MADD: variants seen among roughly 807,000 people sequenced by gnomAD.
MADD encodes the protein MAP kinase-activating death domain protein.
Under a neutral mutation model 176.7 loss-of-function variants are expected in MADD, and 109 were observed. That is an observed-to-expected ratio of 0.62 (90% CI 0.53 to 0.72). The LOEUF (loss-of-function observed/expected upper bound fraction) is 0.72. MADD is among the 30% of genes least tolerant of loss of function. The pLI is 0.00. For missense variants in MADD, 1,914 were observed against 2,045.5 expected (o/e 0.94, Z 1.24); for synonymous variants, 771 against 771.3 (o/e 1.00, Z 0.01).
chr11:47,289,732 G>T, intron 16 of MADD, 135 bp from the exon 18 acceptor site: 1 of 1,021,856 alleles, frequency 9.8e-7, no homozygotes, highest in Non-Finnish European at 1.5e-6. Flanking sequence ...GAGAGGTGGG[G>T]ATGTGGTGCA....
rs144987185 is a variant in MADD, at chr11:47,289,481, C to T, written c.2744C>T (p.Ser915Phe). ...GAACCTCCATCACCCCAGGGTCGAT[C>T]CAGCAATTCTAGGTAATAAATGGTA... The change falls in exon 16 of 33, where the codon TCC (serine) becomes TTC (phenylalanine). Residue 915 changes from serine to phenylalanine, a missense_variant. Transcript: ENST00000402192. The T allele has an allele frequency of 7.4e-6, 12 of 1,613,908 alleles. No homozygotes were observed. Among genetic ancestry groups the T allele is most frequent in the Non-Finnish European group, 1.0e-5 (12 of 1,179,886 alleles).
rs1565586617 is a variant in MADD, at chr11:47,325,259, C to T, written c.4542+682C>T. The T allele has an allele frequency of 6.3e-6, 1 of 157,960 alleles. No individual in the cohort carries two copies. Among genetic ancestry groups the T allele is most frequent in the South Asian group, 1.9e-4 (1 of 5,310 alleles). 9.8% of individuals were successfully genotyped at this position (157,960 alleles called of 1,614,324 possible). A position where few individuals can be genotyped will look rare whatever the true frequency, so the allele number is the denominator to read the frequency against. On this transcript the variant is annotated intron_variant, in intron 30 of 32. Transcript: ENST00000402192. The surrounding 1 kb of genome is among the most constrained non-coding windows in gnomAD (Gnocchi z 4.5). ...TTTTTTCTCTCTTGGTCTTTTAACA[C>T]AGTGTTACCTTTTTCTCTCAGTGGA... is the stretch of plus-strand genomic sequence containing the variant.
At chr11:47,293,675 T>C (rs1341466639) in intron 19 of MADD, among the ~76,000 whole-genome samples, 5 of 152,140 alleles carry the variant, frequency 3.3e-5, no homozygotes, top group Admixed American at 2.0e-4. Context: ...GGAGAACCCA[T>C]TGAGACCAGG....
At chr11:47,297,682 G>A (rs575541912) in intron 22 of MADD, among the ~76,000 whole-genome samples, 12 of 151,774 alleles carry the variant, frequency 7.9e-5, no homozygotes, top group African/African-American at 2.7e-4. Flanking sequence ...TCCTGACTTC[G>A]TGATCTGCTC....
exon 5 of MADD, chr11:47,276,789 G>A (rs1378191054): frequency 6.2e-7 from 1 of 1,614,048 alleles, no homozygotes; most frequent in East Asian, 2.2e-5. Context: ...GGCATTCGTG[G>A]CAATGATCTA....
At chr11:47,328,385 A>G in intron 31 of MADD, 1 of 1,375,222 alleles carries the variant, frequency 7.3e-7, no homozygotes, top group Admixed American at 3.1e-5. Context: ...AGGGCTTTCA[A>G]AGAAGTGGGT....
At chr11:47,292,806 T>C (rs574766625) in intron 19 of MADD, among the ~76,000 whole-genome samples, 51 of 152,084 alleles carry the variant, frequency 3.4e-4, no homozygotes, top group Admixed American at 3.3e-3. Flanking sequence ...TATAACCAGG[T>C]GTCTACTGAA....
At chr11:47,314,388 A>C (rs1018198346) in intron 26 of MADD, among the ~76,000 whole-genome samples, 38 of 152,186 alleles carry the variant, frequency 2.5e-4, no homozygotes, top group African/African-American at 9.2e-4. Flanking sequence ...ATGGATTTTA[A>C]TGTAACAATG....
At chr11:47,314,937 A>G (rs568511418) in intron 26 of MADD, among the ~76,000 whole-genome samples, 3 of 151,938 alleles carry the variant, frequency 2.0e-5, no homozygotes, top group Non-Finnish European at 4.4e-5. Flanking sequence ...AATTGTTTTT[A>G]TAATTAATCA....
chr11:47,328,000 G>C (rs2095640808), intron 31 of MADD: 1 of 987,456 alleles, frequency 1.0e-6, no homozygotes, highest in African/African-American at 1.7e-5. Context: ...CTCCCTCCCT[G>C]GGTGCTGTAC....
chr11:47,324,070 TA>T (rs2095030867), intron 28 of MADD, 194 bp from the exon 32 acceptor site: 1 of 645,166 alleles, frequency 1.5e-6, no homozygotes, highest in Admixed American at 2.7e-5. Context: ...ATGCCTTCTT[TA>T]AAGCCATACT....
chr11:47,288,986 T>TA, intron 15 of MADD: 2 of 1,601,014 alleles, frequency 1.2e-6, no homozygotes, highest in Admixed American at 1.8e-5. Context: ...CTAAATACTC[T>TA]AATGGAGATT....
chr11:47,276,782 A>G (rs750031587), exon 5 of MADD: 3 of 1,614,164 alleles, frequency 1.9e-6, no homozygotes, highest in African/African-American at 1.3e-5. Flanking sequence ...CTGTGATGGC[A>G]TTCGTGGCAA....
At chr11:47,308,511 C>A in intron 22 of MADD, 80 bp from the exon 25 acceptor site, 1 of 934,486 alleles carries the variant, frequency 1.1e-6, no homozygotes, top group Non-Finnish European at 1.7e-6. Flanking sequence ...GGTGTGAGAG[C>A]CTCTTAGTGA....
chr11:47,325,635 C>G lies in MADD; in HGVS notation c.4542+1058C>G, dbSNP rs1438765906. 6.6e-6 allele frequency among the ~76,000 whole-genome samples: 1 copy of G among 152,230 alleles called. No individual in the cohort carries two copies. Among genetic ancestry groups the G allele is most frequent in the Non-Finnish European group, 1.5e-5 (1 of 68,048 alleles). On this transcript the variant is annotated intron_variant, in intron 30 of 32. Coordinates refer to ENST00000402192, the Ensembl canonical transcript of MADD. The surrounding 1 kb of genome is among the most constrained non-coding windows in gnomAD (Gnocchi z 4.5). Reference sequence around the variant, plus strand: ...TTTAGGACTTAGGGCAGTAGCCAACCCCAAAGACCTTAGGACCATCCCAGA... The same window carrying G: ...TTTAGGACTTAGGGCAGTAGCCAACGCCAAAGACCTTAGGACCATCCCAGA...
intron 19 of MADD, among the ~76,000 whole-genome samples, chr11:47,291,088 A>C (rs2064804508): frequency 6.6e-6 from 1 of 151,558 alleles, no homozygotes; most frequent in Non-Finnish European, 1.5e-5. Context: ...TGTGAGCTGT[A>C]CTCCTGGCCC....
At position 47,327,589 on chromosome 11, in the gene MADD, T is replaced by C. The variant is rs567104419; in HGVS notation, c.4612+782T>C. 2.8e-3 allele frequency: 2,799 copies of C among 985,214 alleles called. 3 individuals are homozygous for C. The highest frequency in any genetic ancestry group is 3.2e-3 in the Non-Finnish European group (2,660 of 829,890). 61.0% of individuals were successfully genotyped at this position (985,214 alleles called of 1,614,324 possible). A position where few individuals can be genotyped will look rare whatever the true frequency, so the allele number is the denominator to read the frequency against. On this transcript the variant is annotated intron_variant, in intron 31 of 32. Transcript: ENST00000402192. ...CTACCCTCTTTCTTCCTACCTTGCC[T>C]CCCCCTTCTCACCGGCTCACTGGAC... is the stretch of plus-strand genomic sequence containing the variant.
chr11:47,291,322 A>G (rs1471919896), intron 19 of MADD, among the ~76,000 whole-genome samples: 2 of 152,140 alleles, frequency 1.3e-5, no homozygotes, highest in Non-Finnish European at 2.9e-5. Context: ...TAGGTTTCCA[A>G]GTCAGTTCTT....
chr11:47,274,952 C>G (rs1216466681), exon 3 of MADD: 2 of 1,614,010 alleles, frequency 1.2e-6, no homozygotes, highest in African/African-American at 1.3e-5. Flanking sequence ...GACTCTACCC[C>G]TGATGTGAAC....
Sources: gnomAD v4.1 joint callset for allele counts (sites outside exome capture counted in the v4.1 genomes callset) on GRCh38, gnomAD v4.1.1 for gene constraint, Gnocchi (gnomAD v3.1) non-coding constraint, MANE v1.5 for transcripts, NCBI Gene and HGNC (gene_info 2026-07-23, HGNC 2026-07-21) for gene names.